Variants in RYR1 observed in about 807,000 individuals in gnomAD.
RYR1 encodes the protein ryanodine receptor 1.
RYR1 carries 342 observed loss-of-function variants against 583.5 expected under a neutral mutation model. That is an observed-to-expected ratio of 0.59 (90% CI 0.54 to 0.64). RYR1 has a LOEUF of 0.64. Ranked by LOEUF, RYR1 falls within the 30% of genes least tolerant of loss-of-function variation. The pLI is 0.00. For missense variants in RYR1, 6,032 were observed against 6,917.2 expected (o/e 0.87, Z 4.54); for synonymous variants, 2,791 against 2,822.5 (o/e 0.99, Z 0.35).
intron 81 of RYR1, chr19:38,535,748 A>G (rs1033863400): frequency 2.7e-5 from 16 of 601,696 alleles, no homozygotes; most frequent in South Asian, 1.6e-4. Flanking sequence ...GATTTTTCCT[A>G]CCCTCTGCAG....
At chr19:38,570,083 C>A (rs1164757550) in intron 93 of RYR1, among the ~76,000 whole-genome samples, 1 of 152,276 alleles carries the variant, frequency 6.6e-6, no homozygotes. Context: ...AGAATTTGAA[C>A]CCGGTAGGCA....
intron 81 of RYR1, 188 bp from the exon 82 acceptor site, chr19:38,535,809 G>C: frequency 1.5e-6 from 1 of 678,698 alleles, no homozygotes; most frequent in Admixed American, 2.2e-5. Context: ...GCTTGCGCAT[G>C]GTTCATCCTG....
chr19:38,463,460 AG>A lies in RYR1; in HGVS notation c.2616del (p.Lys872AsnfsTer12). On this transcript the variant is annotated frameshift_variant, in exon 21 of 106. Transcript: ENST00000359596. LOFTEE classifies it high-confidence loss of function. ...LPPHLERIREKLAENIHELWA... is the reference protein window; with the variant it reads ...LPPHLERIREXLAENIHELWA... ...CCCCATCTGGAGCGCATTCGGGAGA[AG>A]CTGGCGGAGAACATCCACGAGCTCT... The A allele has an allele frequency of 6.2e-7, 1 of 1,613,956 alleles. No homozygotes were observed. Among genetic ancestry groups the A allele is most frequent in the Non-Finnish European group, 8.5e-7 (1 of 1,180,006 alleles).
intron 89 of RYR1, among the ~76,000 whole-genome samples, chr19:38,557,519 A>G (rs988315470): frequency 6.6e-6 from 1 of 152,202 alleles, no homozygotes; most frequent in African/African-American, 2.4e-5. Context: ...AAGATACCAT[A>G]TGACTCAGCG....
At position 38,525,335 on chromosome 19, in the gene RYR1, G is replaced by C; in HGVS notation, c.10459G>C (p.Gly3487Arg). 1.2e-6 allele frequency: 2 copies of C among 1,613,908 alleles called. No individual in the cohort carries two copies. Among genetic ancestry groups the C allele is most frequent in the Non-Finnish European group, 1.7e-6 (2 of 1,179,962 alleles). ...GCTGAGCCCTGTGTCCCCACAGTCC[G>C]GTGGCTCGGACCAGGAACGCACCAA... Reference protein sequence around the residue: ...KMAKAGDIQSGGSDQERTKKK... With the variant: ...KMAKAGDIQSRGSDQERTKKK... The change falls in exon 71 of 106, where the codon GGT becomes CGT. Residue 3487 changes from glycine (G) to arginine (R), a missense_variant. Transcript: ENST00000359596.
Position 38,512,524 on chromosome 19 carries a change from T to C in RYR1, c.9472+41T>C. On this transcript the variant is annotated intron_variant, in intron 63 of 105. Coordinates refer to ENST00000359596, the MANE Select transcript of RYR1 (RefSeq NM_000540.3). The surrounding 1 kb of genome is among the most constrained non-coding windows in gnomAD (Gnocchi z 5.1). ...CCAAGGGCAGGTTGCGGGGAGTCAG[T>C]GTGGCCAACACCACCCATCCGGGTG... The C allele has an allele frequency of 1.3e-6, 2 of 1,569,770 alleles. No individual in the cohort carries two copies. The highest frequency in any genetic ancestry group is 1.1e-5 in the South Asian group (1 of 90,464).
chr19:38,451,199 G>C (rs188099912), intron 11 of RYR1, among the ~76,000 whole-genome samples: 20 of 152,258 alleles, frequency 1.3e-4, no homozygotes, highest in African/African-American at 4.1e-4. Context: ...AGCCAAGGGC[G>C]TAGAGACGGG....
At position 38,485,600 on chromosome 19, in the gene RYR1, A is replaced by C; in HGVS notation, c.4945A>C (p.Ile1649Leu). 1 of 1,609,594 alleles carries C rather than the reference A, an allele frequency of 6.2e-7. No individual in the cohort carries two copies. The highest frequency in any genetic ancestry group is 8.5e-7 in the Non-Finnish European group (1 of 1,179,964). ...CCACCTCTGCTGCAGGTGCATGGAC[A>C]TCCTGGAGCTGTCGGAGCGCCTGGA... The part of the protein sequence containing the change: ...HIPEENRCMD[I>L]LELSERLDLQ... Residue 1649 changes from isoleucine (I) to leucine (L), a missense_variant, in exon 34 of 106, where the codon ATC becomes CTC. Physicochemically the swap from Ile to Leu is conservative, Grantham distance 5 (BLOSUM62 2). Coordinates refer to ENST00000359596, the MANE Select transcript of RYR1 (RefSeq NM_000540.3).
At chr19:38,524,021 C>A in intron 70 of RYR1, 92 bp downstream of exon 70, 1 of 1,454,896 alleles carries the variant, frequency 6.9e-7, no homozygotes, top group Non-Finnish European at 9.5e-7. Context: ...AAAACCCCTG[C>A]TTCTGTTCCC....
chr19:38,569,184 G>A (rs1423502749), intron 93 of RYR1, among the ~76,000 whole-genome samples: 3 of 152,050 alleles, frequency 2.0e-5, no homozygotes, highest in Non-Finnish European at 2.9e-5. Context: ...CTAATTTTTT[G>A]TATTTTTAGT....
In RYR1 at chr19:38,565,545, A is replaced by ACGGCGAGGGTGC. The variant is rs775571885; in HGVS notation, c.13213_13224dup (p.Gly4405_Ala4408dup). On this transcript the variant is annotated inframe_insertion, in exon 91 of 106. Coordinates refer to ENST00000359596, the MANE Select transcript of RYR1 (RefSeq NM_000540.3). This position sits in a 1 kb window ranked among gnomAD's most constrained non-coding sequence, Gnocchi z 4.7. ...CCGGCCGGGCCGGGCGGAGACGCAG[A>ACGGCGAGGGTGC]CGGCGAGGGTGCCAGCGAGGGCGCT... 21 of 1,493,668 alleles carry ACGGCGAGGGTGC rather than the reference A, an allele frequency of 1.4e-5. No homozygotes were observed. Among genetic ancestry groups the ACGGCGAGGGTGC allele is most frequent in the Non-Finnish European group, 1.6e-5 (18 of 1,128,698 alleles). 92.5% of individuals were successfully genotyped at this position (1,493,668 alleles called of 1,614,324 possible). A position where few individuals can be genotyped will look rare whatever the true frequency, so the allele number is the denominator to read the frequency against.
Position 38,535,168 on chromosome 19 carries a change from C to T in RYR1, c.11387C>T (p.Thr3796Ile), listed in dbSNP as rs760569085. 2 of 1,614,082 alleles carry T rather than the reference C, an allele frequency of 1.2e-6. No individual in the cohort carries two copies. Among genetic ancestry groups the T allele is most frequent in the Admixed American group, 1.7e-5 (1 of 60,018 alleles). Residue 3796 changes from threonine to isoleucine, a missense_variant, in exon 80 of 106, where the codon ACC (threonine) becomes ATC (isoleucine). Physicochemically the swap from Thr to Ile is moderately conservative, Grantham distance 89. Coordinates refer to ENST00000359596, the MANE Select transcript of RYR1 (RefSeq NM_000540.3). ...GAGACAGGTGCCATGGTGTCCTCCA[C>T]CCTGAAGCTGGGCATCTCCATCCTC... The part of the protein sequence containing the change: ...KGETGAMVSS[T>I]LKLGISILNG...
intron 94 of RYR1, 105 bp from the exon 95 acceptor site, chr19:38,571,914 C>T (rs756554322): frequency 5.7e-5 from 87 of 1,520,494 alleles, no homozygotes; most frequent in Non-Finnish European, 7.6e-5. Context: ...CACACCAAGA[C>T]TGTATCTGGT....
At chr19:38,523,842 T>TG in intron 69 of RYR1, 73 bp from the exon 70 acceptor site, 1 of 1,606,172 alleles carries the variant, frequency 6.2e-7, no homozygotes. Flanking sequence ...GCTGGCAACT[T>TG]GGAGTTGGGC....
chr19:38,548,400 T>C lies in RYR1; in HGVS notation c.12262T>C (p.Ser4088Pro), dbSNP rs754538541. 8 of 1,613,686 alleles carry C rather than the reference T, an allele frequency of 5.0e-6. No individual in the cohort carries two copies. The highest frequency in any genetic ancestry group is 6.8e-6 in the Non-Finnish European group (8 of 1,179,704). Residue 4088 changes from serine (S) to proline (P), a missense_variant, in exon 89 of 106, where the codon TCC (serine) becomes CCC (proline). This residue lies in a region of RYR1 where 753 missense variants were observed against 759.6 expected (regional missense o/e 0.99). Transcript: ENST00000359596. Reference protein sequence around the residue: ...DYVTDPRGLISKKDFQKAMDS... With the variant: ...DYVTDPRGLIPKKDFQKAMDS... ...CGTAACGGATCCCCGTGGCCTCATC[T>C]CCAAGAAGGACTTCCAGAAGGTGGG...
intron 91 of RYR1, among the ~76,000 whole-genome samples, chr19:38,566,025 G>A (rs952768413): frequency 2.0e-5 from 3 of 151,956 alleles, no homozygotes; most frequent in African/African-American, 7.3e-5. Flanking sequence ...AGAAAGGGCC[G>A]GGGAGAGAGA....
At chr19:38,563,887 C>T (rs1973265794) in intron 90 of RYR1, among the ~76,000 whole-genome samples, 1 of 152,218 alleles carries the variant, frequency 6.6e-6, no homozygotes, top group Non-Finnish European at 1.5e-5. Flanking sequence ...GTCACCTGGG[C>T]ATGTAACTTT....
rs1379045486 is a variant in RYR1 at position 38,543,426 on chromosome 19, G to C, written c.11769G>C (p.Leu3923=). 4.3e-6 allele frequency: 7 copies of C among 1,614,120 alleles called. No homozygotes were observed. The highest frequency in any genetic ancestry group is 5.9e-6 in the Non-Finnish European group (7 of 1,180,052). The part of the protein sequence containing the change: ...NIIICTVDYL[L]RLQESISDFY... ...TCATTTGCACTGTGGACTACCTCCT[G>C]CGGCTGCAGGTGAGGACGTGAGACG... Residue 3923 remains leucine, a synonymous_variant, in exon 85 of 106, where the codon CTG becomes CTC. Transcript: ENST00000359596. The surrounding 1 kb of genome is among the most constrained non-coding windows in gnomAD (Gnocchi z 4.4).
At chr19:38,494,699 C>T in intron 39 of RYR1, 74 bp downstream of exon 39, 3 of 1,580,458 alleles carry the variant, frequency 1.9e-6, no homozygotes, top group Non-Finnish European at 2.6e-6. Context: ...CAATAACATT[C>T]CCTTCCCCAA....
Sources: allele counts gnomAD v4.1 joint callset (sites outside exome capture counted in the v4.1 genomes callset), GRCh38; gene constraint gnomAD v4.1.1; regional missense constraint gnomAD v4.1.1; non-coding constraint Gnocchi (gnomAD v3.1); transcripts MANE v1.5; gene names NCBI Gene and HGNC (gene_info 2026-07-23, HGNC 2026-07-21).